GATAD2B: variants seen among roughly 807,000 people sequenced by gnomAD.
The protein encoded by GATAD2B is GATA zinc finger domain containing 2B.
A neutral mutation model predicts 64.3 loss-of-function variants in GATAD2B; 8 were observed. The observed-to-expected ratio is 0.12, with a 90% CI of 0.07 to 0.22. GATAD2B has a LOEUF of 0.22. Ranked by LOEUF, GATAD2B falls within the 10% of genes least tolerant of loss-of-function variation. The pLI, the probability that GATAD2B is intolerant of heterozygous loss-of-function variation, is 1.00. For missense variants in GATAD2B, 453 were observed against 752.0 expected, an observed-to-expected ratio of 0.60 and a Z score of 4.65; for synonymous variants, 281 against 271.3, an observed-to-expected ratio of 1.04 and a Z score of -0.35.
At chr1:153,813,917 G>A (rs1170340309) in intron 7 of GATAD2B, among the ~76,000 whole-genome samples, 1 of 152,232 alleles carries the variant, frequency 6.6e-6, no homozygotes, top group Non-Finnish European at 1.5e-5. Flanking sequence ...AGTAGAGGTT[G>A]CAGTGAGCCG....
intron 2 of GATAD2B, 23 bp downstream of exon 2, chr1:153,827,990 G>C (rs375357848): frequency 7.6e-6 from 12 of 1,570,240 alleles, no homozygotes; most frequent in African/African-American, 1.4e-5. Flanking sequence ...CCTATCCCTG[G>C]AGGCAGCTGA....
chr1:153,819,747 A>C lies in GATAD2B; in HGVS notation c.336-12T>G. ...CTCGCTCTGGCTCACTAGACAAGAA[A>C]GGGAAAAAATAAGCTATTTCCAACA... On this transcript the variant is annotated splice_polypyrimidine_tract_variant and intron_variant, in intron 2 of 10. Transcript: ENST00000368655. 6.3e-7 allele frequency: 1 copy of C among 1,579,548 alleles called. No individual in the cohort carries two copies. The highest frequency in any genetic ancestry group is 8.6e-7 in the Non-Finnish European group (1 of 1,168,972).
intron 1 of GATAD2B, among the ~76,000 whole-genome samples, chr1:153,863,546 T>C (rs1676382961): frequency 6.6e-6 from 1 of 150,848 alleles, no homozygotes; most frequent in Non-Finnish European, 1.5e-5. Flanking sequence ...GTAAGCAATC[T>C]AAGTACATAA....
intron 1 of GATAD2B, among the ~76,000 whole-genome samples, chr1:153,857,157 T>TAC (rs1459080028): frequency 6.6e-5 from 5 of 76,284 alleles, no homozygotes; most frequent in South Asian, 4.5e-4. Flanking sequence ...TATATATATA[T>TAC]AAATTGGCCG....
At chr1:153,853,226 G>C (rs1312226724) in intron 1 of GATAD2B, 1 of 1,112,854 alleles carries the variant, frequency 9.0e-7, no homozygotes, top group Non-Finnish European at 1.4e-6. Flanking sequence ...GAGCACACTG[G>C]TCATGGCCAC....
intron 8 of GATAD2B, 119 bp from the exon 9 acceptor site, chr1:153,812,251 C>A: frequency 1.6e-6 from 1 of 619,218 alleles, no homozygotes; most frequent in Non-Finnish European, 2.8e-6. Context: ...GCTGGTCTGG[C>A]ACTCCTGGGC....
chr1:153,912,555 T>G (rs948030771), intron 1 of GATAD2B, among the ~76,000 whole-genome samples: 1 of 152,234 alleles, frequency 6.6e-6, no homozygotes, highest in African/African-American at 2.4e-5. Flanking sequence ...AAAGGTCTTC[T>G]GGCCAACCTG....
At chr1:153,826,848 C>T (rs193113305) in intron 2 of GATAD2B, among the ~76,000 whole-genome samples, 3 of 150,160 alleles carry the variant, frequency 2.0e-5, no homozygotes, top group Non-Finnish European at 4.4e-5. Context: ...GGCTAGGGCG[C>T]GAAGATAACT....
intron 1 of GATAD2B, among the ~76,000 whole-genome samples, chr1:153,885,924 G>GA (rs941822708): frequency 6.8e-6 from 1 of 146,134 alleles, no homozygotes; most frequent in African/African-American, 2.6e-5. Flanking sequence ...GATACAAAAA[G>GA]AATTTGATAA....
At chr1:153,900,976 G>T (rs1677749911) in intron 1 of GATAD2B, among the ~76,000 whole-genome samples, 1 of 152,102 alleles carries the variant, frequency 6.6e-6, no homozygotes, top group African/African-American at 2.4e-5. Context: ...AACTTTGGGA[G>T]GCCAAGGTGG....
intron 1 of GATAD2B, among the ~76,000 whole-genome samples, chr1:153,870,376 C>T (rs761376593): frequency 8.5e-5 from 13 of 152,094 alleles, no homozygotes; most frequent in Non-Finnish European, 1.9e-4. Flanking sequence ...TCGAAACCAT[C>T]CTGGCTAACA....
At chr1:153,815,081 CAAAAAA>C (rs58874063) in intron 7 of GATAD2B, among the ~76,000 whole-genome samples, 5 of 25,378 alleles carry the variant, frequency 2.0e-4, no homozygotes, top group Admixed American at 8.6e-4. Context: ...GACTCTGTCT[CAAAAAA>C]AAAAAAAAAA....
chr1:153,815,565 T>C (rs558907757), intron 7 of GATAD2B, among the ~76,000 whole-genome samples: 31 of 151,866 alleles, frequency 2.0e-4, no homozygotes, highest in Non-Finnish European at 3.7e-4. Context: ...TGATGTTAAG[T>C]GAGAACTTAC....
At chr1:153,852,101 AAT>A (rs1162411149) in intron 1 of GATAD2B, 112 of 589,128 alleles carry the variant, frequency 1.9e-4, no homozygotes, top group African/African-American at 1.8e-3. Flanking sequence ...GGGCAAGTTT[AAT>A]GAGTTTTGTG....
intron 2 of GATAD2B, among the ~76,000 whole-genome samples, 161 bp from the exon 3 acceptor site, chr1:153,819,896 C>T (rs1008506498): frequency 6.6e-6 from 1 of 151,878 alleles, no homozygotes; most frequent in African/African-American, 2.4e-5. Context: ...GTCAGGAGTT[C>T]GAGACCAGCC....
chr1:153,852,851 G>A, intron 1 of GATAD2B: 2 of 797,358 alleles, frequency 2.5e-6, no homozygotes, highest in Non-Finnish European at 4.4e-6. Flanking sequence ...CCAGTGAGAG[G>A]GAGGTACTGT....
rs2101880045 is a variant in GATAD2B, at chr1:153,816,617, A to G, written c.901-29T>C. 1 of 1,509,162 alleles carries G rather than the reference A, an allele frequency of 6.6e-7. No individual in the cohort carries two copies. The highest frequency in any genetic ancestry group is 9.2e-7 in the Non-Finnish European group (1 of 1,090,368). 93.5% of individuals were successfully genotyped at this position (1,509,162 alleles called of 1,614,324 possible). Reference sequence around the variant, plus strand: ...AAATAGATTGAGAATGCGGTCAATCATGGTATGCAGGAGAAAGGGCCAATT... The same window carrying G: ...AAATAGATTGAGAATGCGGTCAATCGTGGTATGCAGGAGAAAGGGCCAATT... On this transcript the variant is annotated intron_variant, in intron 6 of 10. Transcript: ENST00000368655. This position sits in a 1 kb window ranked among gnomAD's most constrained non-coding sequence, Gnocchi z 4.9.
intron 1 of GATAD2B, among the ~76,000 whole-genome samples, chr1:153,913,828 G>A (rs1678174234): frequency 6.6e-6 from 1 of 151,680 alleles, no homozygotes; most frequent in African/African-American, 2.4e-5. Flanking sequence ...GCTGAGGCAG[G>A]AGAATGGCGT....
intron 1 of GATAD2B, among the ~76,000 whole-genome samples, chr1:153,884,775 T>A (rs1006922015): frequency 4.0e-4 from 61 of 152,272 alleles, no homozygotes; most frequent in African/African-American, 1.4e-3. Context: ...ATTTCTTTTT[T>A]TCGAGACAGT....
Sources: allele counts gnomAD v4.1 joint callset (sites outside exome capture counted in the v4.1 genomes callset), GRCh38; gene constraint gnomAD v4.1.1; non-coding constraint Gnocchi (gnomAD v3.1); transcripts MANE v1.5; gene names NCBI Gene and HGNC (gene_info 2026-07-23, HGNC 2026-07-21).